FAM47E: variants seen among roughly 807,000 people sequenced by gnomAD.
FAM47E encodes protein FAM47E.
A neutral mutation model predicts 41.6 loss-of-function variants in FAM47E; 32 were observed. The observed-to-expected ratio is 0.77, with a 90% CI of 0.58 to 1.03. FAM47E has a LOEUF of 1.03. FAM47E is among the 50% of genes least tolerant of loss of function. The probability of loss-of-function intolerance (pLI) is 0.00; values close to 1 mark genes in which losing one functional copy is unlikely to be tolerated. For synonymous variants in FAM47E, 184 were observed against 188.7 expected, an observed-to-expected ratio of 0.98 and a Z score of 0.20; for missense variants, 424 against 485.4, an observed-to-expected ratio of 0.87 and a Z score of 1.19.
intron 2 of FAM47E, among the ~76,000 whole-genome samples, chr4:76,244,463 G>T (rs1733779308): frequency 6.6e-6 from 1 of 150,678 alleles, no homozygotes; most frequent in African/African-American, 2.4e-5. Flanking sequence ...ACCTCATTGT[G>T]GTTTTGATTT....
At position 76,229,681 on chromosome 4, in the gene FAM47E, T is replaced by C. The variant is rs373436095; in HGVS notation, c.81+11993T>C. On this transcript the variant is annotated intron_variant, in intron 2 of 7. Coordinates refer to the FAM47E transcript ENST00000510197. ...GCTGAGAAATACCTGATTCCTGTGA[T>C]GTGATCCATCTTCAGGTTTCCCAGC... is the stretch of plus-strand genomic sequence containing the variant. 2.6e-5 allele frequency among the ~76,000 whole-genome samples: 4 copies of C among 152,342 alleles called. No individual in the cohort carries two copies. In the East Asian group the frequency reaches 7.7e-4, roughly 29 times the overall value.
upstream of FAM47E, among the ~76,000 whole-genome samples, chr4:76,247,594 C>T (rs1046959433): frequency 2.7e-5 from 4 of 149,650 alleles, no homozygotes; most frequent in Non-Finnish European, 5.9e-5. Flanking sequence ...TCCTCACCAA[C>T]ACTTGTTATT....
chr4:76,227,124 C>G (rs563561596), intron 2 of FAM47E, among the ~76,000 whole-genome samples: 2 of 152,138 alleles, frequency 1.3e-5, no homozygotes, highest in African/African-American at 4.8e-5. Flanking sequence ...CTTAGAGTGT[C>G]TATTTGTGCT....
intron 2 of FAM47E, among the ~76,000 whole-genome samples, chr4:76,228,295 C>T (rs1373864103): frequency 1.3e-5 from 2 of 151,926 alleles, no homozygotes; most frequent in Non-Finnish European, 2.9e-5. Flanking sequence ...GCCTGGCCAA[C>T]ATGGTGAAAC....
chr4:76,219,238 T>G (rs1294540731), intron 2 of FAM47E, among the ~76,000 whole-genome samples: 1 of 152,240 alleles, frequency 6.6e-6, no homozygotes, highest in Non-Finnish European at 1.5e-5. Flanking sequence ...AATTAGTGTG[T>G]GTGGGAGACA....
chr4:76,249,170 G>T (rs891415952), upstream of FAM47E, among the ~76,000 whole-genome samples: 1 of 152,074 alleles, frequency 6.6e-6, no homozygotes, highest in African/African-American at 2.4e-5. Context: ...GGAGGTTGCA[G>T]TGAGCTGAGA....
chr4:76,256,283 G>C lies in FAM47E; in HGVS notation c.180G>C (p.Pro60=). ...KGLDDFRKGC[P]PCTGLVTQVP... is the part of the protein sequence containing the mutation. ...TGGACGACTTCAGGAAGGGCTGCCC[G>C]CCTTGCACTGGTCTGGTGACTCAGG... The change falls in exon 2 of 8, where the codon CCG becomes CCC. Residue 60 remains proline, a synonymous_variant. Transcript: ENST00000424749. 6.4e-7 allele frequency: 1 copy of C among 1,551,682 alleles called. No homozygotes were observed. The highest frequency in any genetic ancestry group is 1.2e-5 in the South Asian group (1 of 84,062).
chr4:76,282,679 G>A (rs915151916), intron 7 of FAM47E: 1 of 147,352 alleles, frequency 6.8e-6, no homozygotes, highest in Non-Finnish European at 1.5e-5. Flanking sequence ...CCTCTTTTCA[G>A]TCACATTGAC....
intron 4 of FAM47E, among the ~76,000 whole-genome samples, chr4:76,269,961 C>A (rs891213989): frequency 6.6e-6 from 1 of 152,074 alleles, no homozygotes; most frequent in East Asian, 1.9e-4. Context: ...ATTCCATGTC[C>A]CCACCCCATC....
At chr4:76,247,070 CA>C (rs1230423719), upstream of FAM47E, among the ~76,000 whole-genome samples, 1 of 151,882 alleles carries the variant, frequency 6.6e-6, no homozygotes, top group South Asian at 2.1e-4. Context: ...CATCATCCTC[CA>C]AAAAAACCTC....
intron 2 of FAM47E, among the ~76,000 whole-genome samples, chr4:76,218,885 A>G (rs1251900187): frequency 6.6e-6 from 1 of 152,216 alleles, no homozygotes; most frequent in Non-Finnish European, 1.5e-5. Context: ...TAGTACTTGT[A>G]CAAGCACTAT....
chr4:76,263,066 C>T (rs1734486125), intron 2 of FAM47E, among the ~76,000 whole-genome samples: 1 of 152,286 alleles, frequency 6.6e-6, no homozygotes, highest in Non-Finnish European at 1.5e-5. Flanking sequence ...TGTGCCTGGC[C>T]CCATTGTGCT....
intron 2 of FAM47E, among the ~76,000 whole-genome samples, chr4:76,244,602 G>A (rs376870952): frequency 1.2e-4 from 17 of 142,288 alleles, no homozygotes; most frequent in Admixed American, 2.9e-4. Flanking sequence ...GTGCAGTGGC[G>A]TGATCTCAGC....
exon 2 of FAM47E, chr4:76,217,654 A>G: frequency 1.5e-6 from 1 of 654,054 alleles, no homozygotes. Context: ...CAGAACCATG[A>G]GCCAAATAAA....
In FAM47E at chr4:76,251,721, AC is replaced by A; in HGVS notation, c.-25del. ...GGGCACACACACCGCCCAAGCCCGGACGGTGGCCGCGAAGCTAGGGCCACCA... is the reference window on the plus strand; with the variant it reads ...GGGCACACACACCGCCCAAGCCCGGAGGTGGCCGCGAAGCTAGGGCCACCA... On this transcript the variant is annotated 5_prime_UTR_variant, in exon 1 of 8. Coordinates refer to ENST00000424749, the MANE Select transcript of FAM47E (RefSeq NM_001136570.3). 1 of 1,468,090 alleles carries A rather than the reference AC, an allele frequency of 6.8e-7. No homozygotes were observed. The highest frequency in any genetic ancestry group is 2.4e-5 in the Admixed American group (1 of 41,630). The allele number at this position is 1,468,090 out of a possible 1,614,324, so 90.9% of individuals were successfully genotyped here. A position where few individuals can be genotyped will look rare whatever the true frequency, so the allele number is the denominator to read the frequency against.
At position 76,277,794 on chromosome 4, in the gene FAM47E, T is replaced by G. The variant is rs1286185348; in HGVS notation, c.871-275T>G. On this transcript the variant is annotated intron_variant, in intron 5 of 7. Transcript: ENST00000424749. Reference sequence around the variant, plus strand: ...ATGAAGAATTTATGTAACTTGATCATGGACTCCACCTACTAAGTTGGGGAA... The same window carrying G: ...ATGAAGAATTTATGTAACTTGATCAGGGACTCCACCTACTAAGTTGGGGAA... Among the ~76,000 whole-genome samples the G allele has an allele frequency of 2.6e-5, 4 of 152,218 alleles. No homozygotes were observed. In the East Asian group the frequency reaches 7.7e-4, roughly 29 times the overall value.
chr4:76,249,196 C>T (rs1217160043), upstream of FAM47E, among the ~76,000 whole-genome samples: 1 of 151,902 alleles, frequency 6.6e-6, no homozygotes, highest in Non-Finnish European at 1.5e-5. Context: ...CCACTGCACA[C>T]CAGCCTGGGC....
chr4:76,221,736 T>C (rs190421022), intron 2 of FAM47E, among the ~76,000 whole-genome samples: 3 of 152,288 alleles, frequency 2.0e-5, no homozygotes, highest in African/African-American at 7.2e-5. Flanking sequence ...ATGGGAACAA[T>C]TGACACTGGA....
At chr4:76,214,069 C>G in exon 1 of FAM47E, 6 of 348,788 alleles carry the variant, frequency 1.7e-5, no homozygotes, top group South Asian at 1.2e-4. Context: ...CCAGCGCTCG[C>G]CCCACCGAAA....
Sources: allele counts gnomAD v4.1 joint callset (sites outside exome capture counted in the v4.1 genomes callset), GRCh38; gene constraint gnomAD v4.1.1; transcripts MANE v1.5; gene names NCBI Gene and HGNC (gene_info 2026-07-23, HGNC 2026-07-21).